The following PREX1 variants were observed in gnomAD, a reference collection of about 807,000 sequenced individuals.
PREX1 encodes the protein phosphatidylinositol-3,4,5-trisphosphate dependent Rac exchange factor 1, also known as phosphatidylinositol 3,4,5-trisphosphate-dependent Rac exchanger 1 protein.
A neutral mutation model predicts 198.3 loss-of-function variants in PREX1; 41 were observed. That is an observed-to-expected ratio of 0.21 (90% confidence interval 0.16 to 0.27). The LOEUF is 0.27. PREX1 is among the 10% of genes least tolerant of loss of function. The pLI, the probability that PREX1 is intolerant of heterozygous loss-of-function variation, is 1.00. For synonymous variants in PREX1, 843 were observed against 887.2 expected, an observed-to-expected ratio of 0.95 and a Z score of 0.89; for missense variants, 1,620 against 2,200.7, an observed-to-expected ratio of 0.74 and a Z score of 5.28.
chr20:48,643,063 G>A (rs992836590), intron 27 of PREX1, among the ~76,000 whole-genome samples: 2 of 152,220 alleles, frequency 1.3e-5, no homozygotes, highest in Non-Finnish European at 2.9e-5. Context: ...AGAACCAAGG[G>A]TGGGGGGGAG....
chr20:48,635,154 T>C (rs2089352398), intron 32 of PREX1, among the ~76,000 whole-genome samples: 1 of 152,164 alleles, frequency 6.6e-6, no homozygotes, highest in Non-Finnish European at 1.5e-5. Flanking sequence ...CCAGCGTTCA[T>C]TCGGTCATCC....
the PREX1 span, among the ~76,000 whole-genome samples, chr20:48,858,105 G>A: frequency 1.1e-4 from 16 of 152,224 alleles, no homozygotes; most frequent in African/African-American, 3.1e-4. Flanking sequence ...AATCCTAAGG[G>A]CAGTGGCTGC....
rs772928300 is a variant in PREX1 at position 48,726,323 on chromosome 20, G to A, written c.588C>T (p.Ile196=). The change falls in exon 5 of 40, where the codon ATC becomes ATT. Residue 196 remains isoleucine, a synonymous_variant. Transcript: ENST00000371941. The part of the protein sequence containing the change: ...IPLEGYLLSP[I]QRICKYPLLL... ...GGAGCGGGTACTTGCAGATCCTCTGGATCGGAGACAACAGGTAGCCTTCCA... is the reference window on the plus strand; with the variant it reads ...GGAGCGGGTACTTGCAGATCCTCTGAATCGGAGACAACAGGTAGCCTTCCA... 6.2e-6 allele frequency: 10 copies of A among 1,613,924 alleles called. No individual in the cohort carries two copies. In the East Asian group the frequency reaches 2.2e-4, roughly 36 times the overall value.
chr20:48,831,494 G>A (rs1338065375), upstream of PREX1, among the ~76,000 whole-genome samples: 1 of 152,216 alleles, frequency 6.6e-6, no homozygotes, highest in East Asian at 1.9e-4. Flanking sequence ...CCCAACAGCT[G>A]AGGCCCTTGT....
At chr20:48,715,542 A>T (rs1192136991) in intron 5 of PREX1, among the ~76,000 whole-genome samples, 1 of 152,186 alleles carries the variant, frequency 6.6e-6, no homozygotes, top group Non-Finnish European at 1.5e-5. Flanking sequence ...GCCTTGCACA[A>T]GTGGCCTCAC....
At chr20:48,670,059 G>A (rs2089665130) in intron 14 of PREX1, among the ~76,000 whole-genome samples, 1 of 152,194 alleles carries the variant, frequency 6.6e-6, no homozygotes, top group Admixed American at 6.5e-5. Context: ...CTCGACAGAG[G>A]AGGAAACAGA....
chr20:48,720,414 G>C (rs2089979896), intron 5 of PREX1, among the ~76,000 whole-genome samples: 1 of 152,156 alleles, frequency 6.6e-6, no homozygotes, highest in Non-Finnish European at 1.5e-5. Flanking sequence ...ACCTCAAGCA[G>C]TGCCTGACAC....
chr20:48,823,228 C>A (rs1184503652), intron 1 of PREX1, among the ~76,000 whole-genome samples: 1 of 152,144 alleles, frequency 6.6e-6, no homozygotes, highest in Non-Finnish European at 1.5e-5. Context: ...CGAGGAGCTG[C>A]TGACCAACTC....
chr20:48,794,641 G>A (rs75587772), intron 1 of PREX1, among the ~76,000 whole-genome samples: 15,811 of 152,196 alleles, frequency 0.1, 1,032 homozygotes, highest in Middle Eastern at 0.24. Flanking sequence ...GGGCTGGGCC[G>A]GGAAGTGCCA....
rs1318700207 is a variant in PREX1 at position 48,684,788 on chromosome 20, A to G, written c.1335-3453T>C. 6.6e-6 allele frequency among the ~76,000 whole-genome samples: 1 copy of G among 152,108 alleles called. No homozygotes were observed. The highest frequency in any genetic ancestry group is 2.4e-5 in the African/African-American group (1 of 41,412). ...GACCCACTTTAACTGCTGAGGCCACATCTCCTGCCCCTCTGACCACTCAGG... is the reference window on the plus strand; with the variant it reads ...GACCCACTTTAACTGCTGAGGCCACGTCTCCTGCCCCTCTGACCACTCAGG... On this transcript the variant is annotated intron_variant, in intron 10 of 39. Coordinates refer to ENST00000371941, the MANE Select transcript of PREX1 (RefSeq NM_020820.4). This position sits in a 1 kb window ranked among gnomAD's most constrained non-coding sequence, Gnocchi z 4.2.
intron 7 of PREX1, among the ~76,000 whole-genome samples, chr20:48,699,214 A>G (rs1327653393): frequency 6.6e-6 from 1 of 152,200 alleles, no homozygotes; most frequent in Non-Finnish European, 1.5e-5. Flanking sequence ...CCTAGGACAC[A>G]AAGCAAGTTA....
At chr20:48,833,813 G>A in the PREX1 span, among the ~76,000 whole-genome samples, 2 of 152,184 alleles carry the variant, frequency 1.3e-5, no homozygotes, top group East Asian at 3.9e-4. Context: ...GCCGGGCGCG[G>A]TGGCTCACAC....
chr20:48,704,134 A>T (rs1025470884), intron 6 of PREX1, among the ~76,000 whole-genome samples: 5 of 152,246 alleles, frequency 3.3e-5, no homozygotes, highest in African/African-American at 7.2e-5. Flanking sequence ...AGATGAGGAG[A>T]CCGAGGCACA....
At chr20:48,879,513 A>G in the PREX1 span, among the ~76,000 whole-genome samples, 6 of 152,210 alleles carry the variant, frequency 3.9e-5, no homozygotes, top group African/African-American at 1.4e-4. Flanking sequence ...TCTACTATCT[A>G]GCACCTAAAA....
intron 1 of PREX1, among the ~76,000 whole-genome samples, chr20:48,749,119 A>G (rs939654533): frequency 6.6e-6 from 1 of 152,160 alleles, no homozygotes; most frequent in African/African-American, 2.4e-5. Flanking sequence ...GAGAGACAGC[A>G]GAGTCAGCAC....
At chr20:48,801,575 C>T (rs923376230) in intron 1 of PREX1, among the ~76,000 whole-genome samples, 3 of 152,230 alleles carry the variant, frequency 2.0e-5, no homozygotes, top group South Asian at 2.1e-4. Context: ...AACCAGCCTG[C>T]GTCCTGCATC....
the PREX1 span, among the ~76,000 whole-genome samples, chr20:48,881,315 C>G: frequency 6.6e-6 from 1 of 152,186 alleles, no homozygotes; most frequent in East Asian, 1.9e-4. Flanking sequence ...GCAATAAATC[C>G]TTTCCAACAA....
chr20:48,756,646 TG>T (rs1302299476), intron 1 of PREX1, among the ~76,000 whole-genome samples: 4 of 152,174 alleles, frequency 2.6e-5, no homozygotes, highest in African/African-American at 9.7e-5. Context: ...AACCTACAAC[TG>T]AGGCCTCCTG....
intron 1 of PREX1, among the ~76,000 whole-genome samples, chr20:48,810,239 C>T (rs1037296196): frequency 1.1e-4 from 16 of 151,834 alleles, no homozygotes; most frequent in Admixed American, 3.3e-4. Flanking sequence ...ATCTGATACA[C>T]GCAAGGGTTA....
Sources: gnomAD v4.1 joint callset for allele counts (sites outside exome capture counted in the v4.1 genomes callset) on GRCh38, gnomAD v4.1.1 for gene constraint, Gnocchi (gnomAD v3.1) non-coding constraint, MANE v1.5 for transcripts, NCBI Gene and HGNC (gene_info 2026-07-23, HGNC 2026-07-21) for gene names.